WBP2NL: variants seen among roughly 807,000 people sequenced by gnomAD.
WBP2NL encodes WBP2 N-terminal like.
WBP2NL carries 27 observed loss-of-function variants against 23.3 expected under a neutral mutation model. That is an observed-to-expected ratio of 1.16 (90% CI 0.85 to 1.60). WBP2NL has a LOEUF of 1.60. Among genes scored for constraint, WBP2NL ranks in the 40% most tolerant of loss-of-function variants. The pLI is 0.00. For synonymous variants in WBP2NL, 151 were observed against 145.9 expected, an observed-to-expected ratio of 1.03 and a Z score of -0.25; for missense variants, 370 against 389.5, an observed-to-expected ratio of 0.95 and a Z score of 0.42.
chr22:42,049,861 C>G (rs923575372), intron 8 of WBP2NL, among the ~76,000 whole-genome samples: 6 of 150,916 alleles, frequency 4.0e-5, no homozygotes, highest in Admixed American at 6.6e-5. Context: ...CCTATAATCC[C>G]AGCTACTGGG....
chr22:42,014,959 A>G (rs1031009575), intron 1 of WBP2NL, among the ~76,000 whole-genome samples: 1 of 152,210 alleles, frequency 6.6e-6, no homozygotes, highest in Non-Finnish European at 1.5e-5. Flanking sequence ...AATCCAATGT[A>G]TGGGCTTCCT....
downstream of WBP2NL, among the ~76,000 whole-genome samples, chr22:42,036,754 T>C (rs1173980281): frequency 6.6e-6 from 1 of 152,218 alleles, no homozygotes; most frequent in African/African-American, 2.4e-5. Flanking sequence ...TTTTGGTTCT[T>C]GGCCCATTTT....
intron 8 of WBP2NL, among the ~76,000 whole-genome samples, chr22:42,039,310 A>C (rs1462636103): frequency 1.3e-5 from 2 of 150,768 alleles, no homozygotes; most frequent in African/African-American, 4.9e-5. Context: ...TCCTGACCTC[A>C]GGTGATCCAC....
downstream of WBP2NL, among the ~76,000 whole-genome samples, chr22:42,037,233 C>A (rs891548361): frequency 1.3e-5 from 2 of 151,782 alleles, no homozygotes; most frequent in African/African-American, 2.4e-5. Context: ...GTTCTTAGCA[C>A]CCTTGTCAAA....
downstream of WBP2NL, among the ~76,000 whole-genome samples, chr22:42,034,958 T>C (rs570868099): frequency 6.6e-6 from 1 of 152,360 alleles, no homozygotes; most frequent in African/African-American, 2.4e-5. Context: ...ACACATATGC[T>C]GTACAATTTG....
intron 5 of WBP2NL, among the ~76,000 whole-genome samples, chr22:42,022,731 C>T (rs112570092): frequency 2.6e-5 from 4 of 152,162 alleles, no homozygotes; most frequent in African/African-American, 7.2e-5. Context: ...ACTGAGGACT[C>T]GAGCCCTGGG....
downstream of WBP2NL, chr22:42,032,934 T>C (rs1925042302): frequency 5.1e-6 from 1 of 196,660 alleles, no homozygotes; most frequent in Admixed American, 6.1e-5. Context: ...ATTATTAATA[T>C]TATGGTATCT....
chr22:42,017,870 C>T (rs769634043), intron 1 of WBP2NL, among the ~76,000 whole-genome samples: 3 of 151,560 alleles, frequency 2.0e-5, no homozygotes, highest in Non-Finnish European at 2.9e-5. Context: ...AAAAATTGGC[C>T]GGGTGCAGTG....
At chr22:42,057,887 A>G (rs1312836535) in intron 8 of WBP2NL, among the ~76,000 whole-genome samples, 5 of 18,232 alleles carry the variant, frequency 2.7e-4, no homozygotes, top group African/African-American at 1.1e-3. Flanking sequence ...ATATATATAT[A>G]TATATATATA....
chr22:42,002,047 T>C (rs1452763070), intron 1 of WBP2NL: 3 of 495,378 alleles, frequency 6.1e-6, no homozygotes, highest in Non-Finnish European at 1.0e-5. Flanking sequence ...GTGAAGTCAT[T>C]TCTAATTTGG....
rs1923696683 is a variant in WBP2NL at position 42,019,656 on chromosome 22, G to A, written c.172-6G>A. The A allele has an allele frequency of 6.2e-7, 1 of 1,613,880 alleles. No homozygotes were observed. Among genetic ancestry groups the A allele is most frequent in the Non-Finnish European group, 8.5e-7 (1 of 1,180,004 alleles). ...TTCCTTTTCCAAAGTTTCTGTCCTT[G>A]CGTAGGTGATTTTCATAACTTCATG... is the stretch of plus-strand genomic sequence containing the variant. On this transcript the variant is annotated splice_region_variant and splice_polypyrimidine_tract_variant and intron_variant, in intron 2 of 5. Coordinates refer to ENST00000328823, the MANE Select transcript of WBP2NL (RefSeq NM_152613.3).
intron 4 of WBP2NL, 116 bp downstream of exon 4, chr22:42,020,212 T>C (rs776815353): frequency 2.1e-5 from 22 of 1,026,360 alleles, no homozygotes; most frequent in Non-Finnish European, 2.4e-5. Context: ...ACAGGGATTT[T>C]TGTATTTTTG....
chr22:42,045,221 G>A (rs928549520), intron 8 of WBP2NL, among the ~76,000 whole-genome samples: 3 of 151,990 alleles, frequency 2.0e-5, no homozygotes, highest in Non-Finnish European at 2.9e-5. Flanking sequence ...GGCGGATCAC[G>A]AGGTCAGGAG....
chr22:42,041,038 T>G (rs376726510), intron 8 of WBP2NL, among the ~76,000 whole-genome samples: 21 of 152,248 alleles, frequency 1.4e-4, no homozygotes, highest in African/African-American at 5.1e-4. Context: ...TTTAACCTCT[T>G]TCTTCATATC....
intron 8 of WBP2NL, among the ~76,000 whole-genome samples, chr22:42,052,443 TA>T (rs1378842863): frequency 6.6e-6 from 1 of 152,110 alleles, no homozygotes; most frequent in Non-Finnish European, 1.5e-5. Context: ...CATGCCCAGC[TA>T]ATTTTTTGTA....
chr22:42,000,928 G>A (rs1328427845), intron 1 of WBP2NL: 1 of 339,692 alleles, frequency 2.9e-6, no homozygotes, highest in Non-Finnish European at 5.4e-6. Context: ...AAAAGGTGGA[G>A]GTTGCAGTGA....
intron 1 of WBP2NL, among the ~76,000 whole-genome samples, chr22:41,999,863 G>A (rs142099991): frequency 2.3e-4 from 35 of 152,254 alleles, no homozygotes; most frequent in African/African-American, 7.9e-4. Context: ...TGCTCCTTGC[G>A]GTGCCTGCTG....
At chr22:42,019,470 C>A (rs1354661425) in intron 2 of WBP2NL, 51 bp downstream of exon 2, 1 of 1,580,350 alleles carries the variant, frequency 6.3e-7, no homozygotes, top group East Asian at 2.2e-5. Flanking sequence ...ATTTGTTTTC[C>A]TTGAAATGAA....
chr22:42,049,409 G>T (rs924782795), intron 8 of WBP2NL, among the ~76,000 whole-genome samples: 3 of 152,090 alleles, frequency 2.0e-5, no homozygotes, highest in African/African-American at 7.2e-5. Context: ...TAACATAGGA[G>T]GCCGGGCACG....
Sources: gnomAD v4.1 joint callset for allele counts (sites outside exome capture counted in the v4.1 genomes callset) on GRCh38, gnomAD v4.1.1 for gene constraint, MANE v1.5 for transcripts, NCBI Gene and HGNC (gene_info 2026-07-23, HGNC 2026-07-21) for gene names.